BRINP3: variants seen among roughly 807,000 people sequenced by gnomAD.
The protein encoded by BRINP3 is BMP/retinoic acid inducible neural specific 3.
A neutral mutation model predicts 71.0 loss-of-function variants in BRINP3; 19 were observed. The observed-to-expected ratio is 0.27, with a 90% confidence interval of 0.19 to 0.39. The LOEUF is 0.39. Ranked by LOEUF, BRINP3 falls within the 10% of genes least tolerant of loss-of-function variation. The pLI is 1.00. For synonymous variants in BRINP3, 380 were observed against 337.7 expected (o/e 1.13, Z -1.37); for missense variants, 959 against 940.8 (o/e 1.02, Z -0.25).
At chr1:190,236,681 T>G (rs571005875) in intron 4 of BRINP3, among the ~76,000 whole-genome samples, 4 of 151,946 alleles carry the variant, frequency 2.6e-5, no homozygotes, top group African/African-American at 9.7e-5. Flanking sequence ...AGACCTTACT[T>G]TGTTTAGAGA....
intron 7 of BRINP3, among the ~76,000 whole-genome samples, chr1:190,148,245 C>A (rs1299022364): frequency 6.6e-6 from 1 of 151,920 alleles, no homozygotes; most frequent in Non-Finnish European, 1.5e-5. Flanking sequence ...TATGGAAATT[C>A]TATTATGCAT....
intron 6 of BRINP3, among the ~76,000 whole-genome samples, chr1:190,197,146 G>T (rs555929031): frequency 6.6e-6 from 1 of 151,946 alleles, no homozygotes; most frequent in Non-Finnish European, 1.5e-5. Flanking sequence ...GCAGGCAAGA[G>T]AGCTTGTGTA....
chr1:190,199,465 T>C (rs989739939), intron 6 of BRINP3, among the ~76,000 whole-genome samples: 23 of 152,110 alleles, frequency 1.5e-4, no homozygotes, highest in Non-Finnish European at 2.8e-4. Flanking sequence ...CCAGAACATT[T>C]TACCTCCAAC....
At chr1:190,297,869 T>C (rs528844069) in intron 2 of BRINP3, among the ~76,000 whole-genome samples, 8 of 151,512 alleles carry the variant, frequency 5.3e-5, no homozygotes, top group African/African-American at 1.7e-4. Flanking sequence ...TAACAGTAGA[T>C]TGAAAAAAAA....
At chr1:190,352,503 A>C (rs1046226629) in intron 2 of BRINP3, among the ~76,000 whole-genome samples, 10 of 152,048 alleles carry the variant, frequency 6.6e-5, no homozygotes, top group African/African-American at 2.2e-4. Context: ...GGTATTATCT[A>C]TCATGAGAAT....
chr1:190,199,396 A>G (rs1654785274), intron 6 of BRINP3, among the ~76,000 whole-genome samples: 1 of 152,112 alleles, frequency 6.6e-6, no homozygotes, highest in South Asian at 2.1e-4. Context: ...ATATTACTTC[A>G]TCCACCACAA....
At chr1:190,152,593 C>T (rs1656508479) in intron 7 of BRINP3, among the ~76,000 whole-genome samples, 1 of 119,728 alleles carries the variant, frequency 8.4e-6, no homozygotes, top group Non-Finnish European at 1.6e-5. Context: ...TCAAAATCAG[C>T]TATCTAAAAA....
chr1:190,332,556 G>A (rs1335972232), intron 2 of BRINP3, among the ~76,000 whole-genome samples: 3 of 151,992 alleles, frequency 2.0e-5, no homozygotes, highest in African/African-American at 7.2e-5. Context: ...GAACTCAGGC[G>A]TGTCTACCGT....
intron 2 of BRINP3, among the ~76,000 whole-genome samples, chr1:190,364,156 A>G (rs186629523): frequency 6.6e-6 from 1 of 152,268 alleles, no homozygotes; most frequent in Admixed American, 6.5e-5. Flanking sequence ...CTGGGAAAGT[A>G]ATCCCCTTCC....
chr1:190,238,859 ATAT>A (rs1212384705), intron 4 of BRINP3, among the ~76,000 whole-genome samples: 32 of 152,280 alleles, frequency 2.1e-4, no homozygotes, highest in African/African-American at 5.5e-4. Flanking sequence ...AAACAGAAGG[ATAT>A]TACATTAGTG....
At chr1:190,390,052 C>T (rs768530448) in intron 2 of BRINP3, among the ~76,000 whole-genome samples, 1 of 151,724 alleles carries the variant, frequency 6.6e-6, no homozygotes, top group African/African-American at 2.4e-5. Context: ...GAAAAACAAA[C>T]CTCTTTGATA....
At chr1:190,201,943 G>T (rs148429218) in intron 6 of BRINP3, among the ~76,000 whole-genome samples, 19 of 152,266 alleles carry the variant, frequency 1.2e-4, no homozygotes, top group African/African-American at 4.3e-4. Context: ...AGGGAAATGT[G>T]GCGTCAGAGG....
At chr1:190,305,163 A>C (rs1665008745) in intron 2 of BRINP3, among the ~76,000 whole-genome samples, 1 of 151,796 alleles carries the variant, frequency 6.6e-6, no homozygotes, top group Admixed American at 6.6e-5. Context: ...TACTGCTGGC[A>C]TTAGTATAGC....
intron 2 of BRINP3, among the ~76,000 whole-genome samples, chr1:190,417,691 T>C (rs554746660): frequency 6.6e-6 from 1 of 152,252 alleles, no homozygotes; most frequent in East Asian, 1.9e-4. Context: ...TAGCAAACAA[T>C]ATAAAAATAT....
intron 1 of BRINP3, among the ~76,000 whole-genome samples, chr1:190,466,092 A>G (rs1054722009): frequency 1.3e-5 from 2 of 151,170 alleles, no homozygotes; most frequent in Non-Finnish European, 3.0e-5. Context: ...TGTGGACAAT[A>G]TTGCCCCTGC....
At chr1:190,415,512 T>C (rs2102430198) in intron 2 of BRINP3, among the ~76,000 whole-genome samples, 1 of 152,254 alleles carries the variant, frequency 6.6e-6, no homozygotes, top group East Asian at 1.9e-4. Flanking sequence ...AGGGAACAAC[T>C]TTTATCTAAA....
At chr1:190,199,820 T>A (rs1230061298) in intron 6 of BRINP3, among the ~76,000 whole-genome samples, 1 of 150,570 alleles carries the variant, frequency 6.6e-6, no homozygotes, top group Admixed American at 6.6e-5. Flanking sequence ...AACCTAACCA[T>A]TTTTCTTTTT....
At chr1:190,436,518 G>A (rs1361382372) in intron 2 of BRINP3, among the ~76,000 whole-genome samples, 2 of 151,742 alleles carry the variant, frequency 1.3e-5, no homozygotes, top group Admixed American at 6.6e-5. Flanking sequence ...AGAGTGAAAG[G>A]AGATCCAAAT....
intron 7 of BRINP3, among the ~76,000 whole-genome samples, chr1:190,106,304 G>A (rs1652157633): frequency 6.6e-6 from 1 of 151,470 alleles, no homozygotes; most frequent in East Asian, 1.9e-4. Flanking sequence ...TATAACATAT[G>A]TTTATTTCAT....
Sources: gnomAD v4.1 joint callset for allele counts (sites outside exome capture counted in the v4.1 genomes callset) on GRCh38, gnomAD v4.1.1 for gene constraint, MANE v1.5 for transcripts, NCBI Gene and HGNC (gene_info 2026-07-23, HGNC 2026-07-21) for gene names.